Variants in RYR2 observed in about 807,000 individuals in gnomAD.
RYR2 encodes the protein cardiac muscle ryanodine receptor-calcium release channel.
RYR2 carries 227 observed loss-of-function variants against 601.1 expected under a neutral mutation model. The ratio of observed to expected loss-of-function variants is 0.38; its 90% confidence interval spans 0.34 to 0.42. The LOEUF is 0.42. Ranked by LOEUF, RYR2 falls within the 10% of genes least tolerant of loss-of-function variation. RYR2 has a pLI of 1.00. For missense variants in RYR2, 4,646 were observed against 6,156.5 expected (o/e 0.75, Z 8.21); for synonymous variants, 2,223 against 2,175.1 (o/e 1.02, Z -0.61).
At position 237,614,578 on chromosome 1, in the gene RYR2, T is replaced by A. The variant is rs1244770964; in HGVS notation, c.5450T>A (p.Leu1817His). The A allele has an allele frequency of 3.1e-6, 5 of 1,614,050 alleles. No homozygotes were observed. Among genetic ancestry groups the A allele is most frequent in the Non-Finnish European group, 4.2e-6 (5 of 1,179,902 alleles). The stretch of plus-strand genomic sequence containing the variant: ...CCAGTTGGAGGGACTACTGAATTCC[T>A]CTTTGTACCTCTCATCAAGCTTTTC... ...RDPVGGTTEF[L>H]FVPLIKLFYT... Residue 1817 changes from leucine (L) to histidine (H), a missense_variant, in exon 37 of 105, where the codon CTC (leucine) becomes CAC (histidine). Coordinates refer to ENST00000366574, the MANE Select transcript of RYR2 (RefSeq NM_001035.3). This position sits in a 1 kb window ranked among gnomAD's most constrained non-coding sequence, Gnocchi z 4.3.
chr1:237,310,549 T>A (rs763394470), intron 2 of RYR2, among the ~76,000 whole-genome samples: 9 of 152,132 alleles, frequency 5.9e-5, no homozygotes, highest in Non-Finnish European at 1.0e-4. Flanking sequence ...AACTTGTGGA[T>A]TACCATACCC....
chr1:237,808,688 A>G (rs1014943937), intron 99 of RYR2, among the ~76,000 whole-genome samples: 1 of 150,478 alleles, frequency 6.6e-6, no homozygotes, highest in Non-Finnish European at 1.5e-5. Flanking sequence ...ATAAAATAAA[A>G]TAAAATAAAG....
chr1:237,797,299 A>ATGAT (rs67914134), intron 96 of RYR2, among the ~76,000 whole-genome samples: 378 of 152,166 alleles, frequency 2.5e-3, no homozygotes, highest in African/African-American at 8.4e-3. Context: ...AATTATTCTA[A>ATGAT]TGATTGATAG....
At chr1:237,794,331 G>GGAT (rs1361209636) in intron 95 of RYR2, among the ~76,000 whole-genome samples, 1 of 151,560 alleles carries the variant, frequency 6.6e-6, no homozygotes, top group East Asian at 1.9e-4. Context: ...CAAAAGCAGA[G>GGAT]GCAAAAATTA....
At chr1:237,651,776 G>A (rs943852374) in intron 51 of RYR2, among the ~76,000 whole-genome samples, 24 of 151,870 alleles carry the variant, frequency 1.6e-4, no homozygotes, top group African/African-American at 5.8e-4. Context: ...GGTGGCTCAC[G>A]CCTGTAATCC....
At chr1:237,721,281 CATTTT>C (rs1323764656) in intron 73 of RYR2, among the ~76,000 whole-genome samples, 1 of 152,030 alleles carries the variant, frequency 6.6e-6, no homozygotes. Flanking sequence ...CGGATGAAAA[CATTTT>C]ATTTTATCAA....
intron 1 of RYR2, among the ~76,000 whole-genome samples, chr1:237,222,264 T>G (rs1174257612): frequency 2.6e-5 from 4 of 151,928 alleles, no homozygotes; most frequent in Non-Finnish European, 5.9e-5. Context: ...ATACAAAAAA[T>G]TAGCTGGGCG....
At chr1:237,539,581 A>T (rs575518808) in intron 25 of RYR2, among the ~76,000 whole-genome samples, 5 of 152,310 alleles carry the variant, frequency 3.3e-5, no homozygotes, top group African/African-American at 1.2e-4. Flanking sequence ...TCAATAAACT[A>T]ATGCAGGAAC....
intron 1 of RYR2, among the ~76,000 whole-genome samples, chr1:237,157,065 G>T (rs1675430060): frequency 6.6e-6 from 1 of 152,086 alleles, no homozygotes; most frequent in Non-Finnish European, 1.5e-5. Flanking sequence ...GGAGGCCGAG[G>T]CGGGTGGATC....
chr1:237,461,286 T>A (rs1417917120), intron 16 of RYR2, among the ~76,000 whole-genome samples: 2 of 152,208 alleles, frequency 1.3e-5, no homozygotes, highest in African/African-American at 4.8e-5. Context: ...CATTCATATA[T>A]GGTAAAATTT....
chr1:237,594,905 T>TG (rs1675685998), intron 33 of RYR2, among the ~76,000 whole-genome samples: 40 of 50,106 alleles, frequency 8.0e-4, no homozygotes, highest in African/African-American at 1.7e-3. Flanking sequence ...TTTTTTTTTT[T>TG]TTTTTTTTTT....
chr1:237,611,427 A>G (rs1677856015), intron 36 of RYR2, among the ~76,000 whole-genome samples: 1 of 152,218 alleles, frequency 6.6e-6, no homozygotes, highest in African/African-American at 2.4e-5. Flanking sequence ...TCCAAGAGAT[A>G]TTAATGAAAG....
chr1:237,549,973 C>A (rs1222024155), intron 26 of RYR2, among the ~76,000 whole-genome samples: 1 of 152,130 alleles, frequency 6.6e-6, no homozygotes. Context: ...TGGAGCCTCT[C>A]GTACAATAGA....
At chr1:237,171,166 G>A (rs1191302676) in intron 1 of RYR2, among the ~76,000 whole-genome samples, 6 of 151,328 alleles carry the variant, frequency 4.0e-5, no homozygotes, top group African/African-American at 9.7e-5. Context: ...CCCAGGAGGC[G>A]GAGCTTGCAG....
At chr1:237,365,829 G>A (rs928145247) in intron 5 of RYR2, among the ~76,000 whole-genome samples, 6 of 152,178 alleles carry the variant, frequency 3.9e-5, no homozygotes, top group African/African-American at 1.4e-4. Flanking sequence ...TCTCTTGTGA[G>A]AACAAATGCA....
intron 1 of RYR2, among the ~76,000 whole-genome samples, chr1:237,189,449 C>T (rs888145703): frequency 3.3e-5 from 5 of 152,086 alleles, no homozygotes; most frequent in South Asian, 2.1e-4. Context: ...GGAATATGTC[C>T]CCACAAAATT....
intron 20 of RYR2, among the ~76,000 whole-genome samples, chr1:237,497,536 G>A (rs1210773705): frequency 6.6e-6 from 1 of 152,118 alleles, no homozygotes; most frequent in Non-Finnish European, 1.5e-5. Context: ...GCTGCATTTG[G>A]AATATAGTCC....
chr1:237,459,344 G>A (rs1226163091), intron 16 of RYR2, among the ~76,000 whole-genome samples: 2 of 152,166 alleles, frequency 1.3e-5, no homozygotes, highest in Non-Finnish European at 2.9e-5. Context: ...CAGCTGCGTG[G>A]GGGGCTGAAC....
chr1:237,769,590 C>G (rs1471864596), intron 84 of RYR2, among the ~76,000 whole-genome samples: 1 of 152,118 alleles, frequency 6.6e-6, no homozygotes, highest in Non-Finnish European at 1.5e-5. Context: ...TATGAAGCCT[C>G]TCACTTTGAA....
Sources: allele counts gnomAD v4.1 joint callset (sites outside exome capture counted in the v4.1 genomes callset), GRCh38; gene constraint gnomAD v4.1.1; non-coding constraint Gnocchi (gnomAD v3.1); transcripts MANE v1.5; gene names NCBI Gene and HGNC (gene_info 2026-07-23, HGNC 2026-07-21).